ASIP: variants seen among roughly 807,000 people sequenced by gnomAD.
The protein encoded by ASIP is agouti-signaling protein.
Under a neutral mutation model 10.3 loss-of-function variants are expected in ASIP, and 11 were observed. That is an observed-to-expected ratio of 1.07 (90% CI 0.68 to 1.78). The LOEUF (loss-of-function observed/expected upper bound fraction) is 1.78. Ranked by LOEUF, ASIP falls within the 40% of genes most tolerant of loss-of-function variation. ASIP has a pLI of 0.00. For missense variants in ASIP, 180 were observed against 169.2 expected (o/e 1.06, Z -0.35); for synonymous variants, 70 against 70.8 (o/e 0.99, Z 0.06).
chr20:34,243,003 A>G (rs1279663712), intron 1 of ASIP, among the ~76,000 whole-genome samples: 1 of 152,254 alleles, frequency 6.6e-6, no homozygotes, highest in Non-Finnish European at 1.5e-5. Context: ...AAAACAGCCT[A>G]AAGGGAATGA....
rs1281178126 is a variant in ASIP at position 34,269,156 on chromosome 20, C to G, written c.388C>G (p.Leu130Val). The G allele has an allele frequency of 3.2e-6, 5 of 1,538,988 alleles. 1 individual carries two copies. The South Asian group carries it at 4.8e-5, about 15-fold the overall frequency. Reference protein sequence around the residue: ...RSACSCRVLSLNC With the variant: ...RSACSCRVLSVNC ...CGCCTGCTCCTGCCGCGTGCTCAGC[C>G]TCAACTGCTGAGCGCCCCCACTCCC... Residue 130 changes from leucine (L) to valine (V), a missense_variant, in exon 4 of 4, where the codon CTC (leucine) becomes GTC (valine). Coordinates refer to ENST00000374954, the MANE Select transcript of ASIP (RefSeq NM_001672.3).
chr20:34,268,846 T>C (rs2035835833), intron 3 of ASIP, 145 bp from the exon 4 acceptor site: 2 of 971,092 alleles, frequency 2.1e-6, no homozygotes, highest in South Asian at 1.6e-5. Context: ...GGAATCTGAC[T>C]GGGGGAGCGG....
chr20:34,246,425 G>T, intron 1 of ASIP: 3 of 1,346,140 alleles, frequency 2.2e-6, no homozygotes, highest in Non-Finnish European at 3.2e-6. Flanking sequence ...GTACTCTGTT[G>T]GTAATGAACA....
rs753952407 is a variant in ASIP, at chr20:34,253,447, T to TTTATTTA, written c.-10-6916_-10-6915insATTTATT. Among the ~76,000 whole-genome samples the TTTATTTA allele has an allele frequency of 4.3e-3, 444 of 103,800 alleles. 4 individuals are homozygous for TTTATTTA. Among genetic ancestry groups the TTTATTTA allele is most frequent in the African/African-American group, 0.028 (427 of 15,364 alleles). The allele number at this position is 103,800 out of a possible 152,430, so 68.1% of individuals were successfully genotyped here. On this transcript the variant is annotated intron_variant, in intron 1 of 3. Coordinates refer to ENST00000374954, the MANE Select transcript of ASIP (RefSeq NM_001672.3). ...TCCCTACGCTCTTATTTTTATTTTA[T>TTTATTTA]TTTATTTATTTATTTATTTATTTAT...
the ASIP span, among the ~76,000 whole-genome samples, chr20:34,187,823 T>A: frequency 1.3e-5 from 2 of 152,312 alleles, no homozygotes; most frequent in Admixed American, 1.3e-4. Context: ...AGTTACTCTA[T>A]CACTTGAAAA....
At chr20:34,262,783 C>G (rs369634657) in intron 2 of ASIP, 49 bp from the exon 3 acceptor site, 10 of 1,608,662 alleles carry the variant, frequency 6.2e-6, no homozygotes, top group Non-Finnish European at 8.5e-6. Context: ...CACTGCAGCT[C>G]AACGTCCCCA....
intron 1 of ASIP, among the ~76,000 whole-genome samples, chr20:34,202,820 T>G: frequency 6.9e-6 from 1 of 145,660 alleles, no homozygotes; most frequent in African/African-American, 2.6e-5. Flanking sequence ...TTTTTTTTTT[T>G]TTTTTCGAGA....
At chr20:34,258,387 C>T (rs1225456454) in intron 1 of ASIP, among the ~76,000 whole-genome samples, 1 of 148,882 alleles carries the variant, frequency 6.7e-6, no homozygotes, top group African/African-American at 2.5e-5. Context: ...ATGTAAAAAC[C>T]ATTCTTATCT....
chr20:34,214,033 T>C (rs2034991446), intron 1 of ASIP: 3 of 1,402,838 alleles, frequency 2.1e-6, no homozygotes, highest in East Asian at 4.6e-5. Context: ...TTCTTTCCTT[T>C]CTGCCGGGTA....
chr20:34,200,453 C>T (rs530540323), intron 1 of ASIP, among the ~76,000 whole-genome samples: 4 of 152,354 alleles, frequency 2.6e-5, no homozygotes, highest in Non-Finnish European at 5.9e-5. Flanking sequence ...GACAGTGCAA[C>T]ATCTTACCAA....
At chr20:34,253,812 C>T (rs151333875) in intron 1 of ASIP, among the ~76,000 whole-genome samples, 61 of 152,192 alleles carry the variant, frequency 4.0e-4, no homozygotes, top group Admixed American at 7.9e-4. Context: ...GGTCAGGCAG[C>T]CATTTAAATG....
chr20:34,253,428 C>T (rs1364029101), intron 1 of ASIP, among the ~76,000 whole-genome samples: 10 of 136,428 alleles, frequency 7.3e-5, no homozygotes, highest in East Asian at 4.0e-4. Flanking sequence ...CTTTTCCCTA[C>T]GCTCTTATTT....
chr20:34,260,491 C>T lies in ASIP; in HGVS notation c.117C>T (p.Asn39=), dbSNP rs35507813. ...KLRDDRSLRS[N]SSVNLLDVPS... is the part of the protein sequence containing the mutation. ...GAGATGACAGGAGCCTGAGAAGCAACTCCTCTGTGAACCTACTGGATGTCC... is the reference window on the plus strand; with the variant it reads ...GAGATGACAGGAGCCTGAGAAGCAATTCCTCTGTGAACCTACTGGATGTCC... Residue 39 remains asparagine, a synonymous_variant, in exon 2 of 4, where the codon AAC becomes AAT. Transcript: ENST00000374954. The T allele has an allele frequency of 1.5e-4, 244 of 1,614,084 alleles. No homozygotes were observed. In the African/African-American group the frequency reaches 3.0e-3, roughly 20 times the overall value.
chr20:34,220,432 A>G (rs1488519167), intron 1 of ASIP, among the ~76,000 whole-genome samples: 1 of 152,162 alleles, frequency 6.6e-6, no homozygotes, highest in East Asian at 1.9e-4. Context: ...CCCTGTCTCT[A>G]CAAAAATACA....
intron 2 of ASIP, among the ~76,000 whole-genome samples, chr20:34,261,146 C>G (rs2122662311): frequency 6.6e-6 from 1 of 152,370 alleles, no homozygotes; most frequent in African/African-American, 2.4e-5. Context: ...AGGTACTTAA[C>G]TCCAGAACCT....
intron 1 of ASIP, among the ~76,000 whole-genome samples, chr20:34,219,358 C>A (rs1158074406): frequency 1.3e-5 from 2 of 152,128 alleles, no homozygotes; most frequent in Non-Finnish European, 2.9e-5. Flanking sequence ...TCATAATGAT[C>A]CTGCAGAATA....
rs1489971557 is a variant in ASIP at position 34,195,717 on chromosome 20, C to T, written c.-11+957C>T. On this transcript the variant is annotated intron_variant, in intron 1 of 3. Transcript: ENST00000568305. ...CTTTGAAAAAACAGAATATACCAGA[C>T]TCTTGCTTTGGAGCTCTTGCAAATT... Among the ~76,000 whole-genome samples, 4 of 152,338 alleles carry T rather than the reference C, an allele frequency of 2.6e-5. No individual in the cohort carries two copies. The East Asian group carries it at 7.7e-4, about 29-fold the overall frequency.
Position 34,203,752 on chromosome 20 carries a change from C to T in ASIP, c.-11+8992C>T, listed in dbSNP as rs561216416. On this transcript the variant is annotated intron_variant, in intron 1 of 3. Transcript: ENST00000568305. ...TTATTTATTTTTTGAGATGGAGTTTCGCTCTTTTTTGCCCAGGCTGGAGTG... is the reference window on the plus strand; with the variant it reads ...TTATTTATTTTTTGAGATGGAGTTTTGCTCTTTTTTGCCCAGGCTGGAGTG... Among the ~76,000 whole-genome samples the T allele has an allele frequency of 9.2e-5, 14 of 151,382 alleles. No homozygotes were observed. The East Asian group carries it at 2.2e-3, about 23-fold the overall frequency.
intron 1 of ASIP, among the ~76,000 whole-genome samples, chr20:34,208,638 C>T (rs570521950): frequency 1.9e-4 from 29 of 152,278 alleles, no homozygotes; most frequent in African/African-American, 7.0e-4. Context: ...TACACATGAG[C>T]GATACACAGC....
Sources: allele counts gnomAD v4.1 joint callset (sites outside exome capture counted in the v4.1 genomes callset), GRCh38; gene constraint gnomAD v4.1.1; transcripts MANE v1.5; gene names NCBI Gene and HGNC (gene_info 2026-07-23, HGNC 2026-07-21).